The following THEMIS variants were observed in gnomAD, a reference collection of about 807,000 sequenced individuals.
THEMIS encodes the protein thymocyte selection associated.
THEMIS carries 37 observed loss-of-function variants against 52.6 expected under a neutral mutation model. The observed-to-expected ratio is 0.70, with a 90% CI of 0.54 to 0.93. THEMIS has a LOEUF of 0.93. THEMIS is among the 40% of genes least tolerant of loss of function. The pLI is 0.00. For synonymous variants in THEMIS, 292 were observed against 272.7 expected, an observed-to-expected ratio of 1.07 and a Z score of -0.70; for missense variants, 808 against 763.1, an observed-to-expected ratio of 1.06 and a Z score of -0.69.
In THEMIS at chr6:127,812,797, T is replaced by C. The variant is rs922794285; in HGVS notation, c.1758+86A>G. 2.2e-6 allele frequency: 3 copies of C among 1,363,528 alleles called. No homozygotes were observed. In the African/African-American group the frequency reaches 4.4e-5, roughly 20 times the overall value. 84.5% of individuals were successfully genotyped at this position (1,363,528 alleles called of 1,614,324 possible). ...AAATATGGCATGAAAGAAAGAAAAG[T>C]AAGCAAAACACACTCAGAAAAGACT... On this transcript the variant is annotated intron_variant, in intron 4 of 5. Coordinates refer to ENST00000368248, the MANE Select transcript of THEMIS (RefSeq NM_001010923.3).
At position 127,783,318 on chromosome 6, in the gene THEMIS, C is replaced by T. The variant is rs565094509; in HGVS notation, c.1758+29565G>A. 6.6e-5 allele frequency among the ~76,000 whole-genome samples: 10 copies of T among 152,316 alleles called. 1 individual carries two copies. Among genetic ancestry groups the T allele is most frequent in the African/African-American group, 2.4e-4 (10 of 41,554 alleles). Reference sequence around the variant, plus strand: ...AAAAGCTAGGCAATACCATTCAGGACATAGGCATGGGCAACGACTTCATGA... The same window carrying T: ...AAAAGCTAGGCAATACCATTCAGGATATAGGCATGGGCAACGACTTCATGA... On this transcript the variant is annotated intron_variant, in intron 4 of 5. Transcript: ENST00000368248.
chr6:127,874,883 AC>A (rs1780268287), intron 1 of THEMIS, among the ~76,000 whole-genome samples: 2 of 152,208 alleles, frequency 1.3e-5, no homozygotes, highest in Admixed American at 6.5e-5. Flanking sequence ...GGGGTCTGCA[AC>A]CCCTGGGCCA....
At chr6:127,814,101 G>C (rs1392590880) in intron 3 of THEMIS, among the ~76,000 whole-genome samples, 170 bp from the exon 4 acceptor site, 1 of 152,102 alleles carries the variant, frequency 6.6e-6, no homozygotes, top group Non-Finnish European at 1.5e-5. Context: ...TAAGATGAAA[G>C]AGATTGAATA....
At chr6:127,808,596 T>C (rs994673671) in intron 4 of THEMIS, among the ~76,000 whole-genome samples, 16 of 152,178 alleles carry the variant, frequency 1.1e-4, no homozygotes, top group African/African-American at 3.9e-4. Context: ...ATTCCATACA[T>C]TATCCTTATA....
chr6:127,839,950 C>T (rs535649575), intron 2 of THEMIS, among the ~76,000 whole-genome samples: 7 of 151,850 alleles, frequency 4.6e-5, no homozygotes, highest in Non-Finnish European at 8.8e-5. Context: ...GACAGGGACA[C>T]TAAAAGCCAT....
chr6:127,702,110 T>G, the THEMIS span, among the ~76,000 whole-genome samples: 1 of 152,162 alleles, frequency 6.6e-6, no homozygotes, highest in Non-Finnish European at 1.5e-5. Context: ...GCCCCTCTGT[T>G]TTTGTTCATC....
chr6:127,909,405 T>A (rs1781355505), intron 1 of THEMIS, among the ~76,000 whole-genome samples: 1 of 152,032 alleles, frequency 6.6e-6, no homozygotes, highest in African/African-American at 2.4e-5. Flanking sequence ...AGTGAGTGAG[T>A]TCTCACGAGA....
At chr6:127,891,456 A>ATTC (rs1780803279) in intron 1 of THEMIS, among the ~76,000 whole-genome samples, 2 of 150,686 alleles carry the variant, frequency 1.3e-5, no homozygotes, top group Non-Finnish European at 2.9e-5. Flanking sequence ...AAATCGCTTG[A>ATTC]ATCCGGGAGG....
intron 4 of THEMIS, among the ~76,000 whole-genome samples, chr6:127,809,406 T>C (rs1777825038): frequency 6.6e-6 from 1 of 152,182 alleles, no homozygotes; most frequent in African/African-American, 2.4e-5. Context: ...AGAGCTTCTG[T>C]TTACATTCTA....
At chr6:127,903,772 G>T (rs1279405037), upstream of THEMIS, among the ~76,000 whole-genome samples, 1 of 150,806 alleles carries the variant, frequency 6.6e-6, no homozygotes, top group Non-Finnish European at 1.5e-5. Flanking sequence ...AATAAACAAT[G>T]GCTTAGGTGG....
At chr6:127,855,442 C>A (rs1216840348) in intron 1 of THEMIS, among the ~76,000 whole-genome samples, 4 of 151,892 alleles carry the variant, frequency 2.6e-5, no homozygotes, top group Non-Finnish European at 4.4e-5. Context: ...ATTTCCTCAG[C>A]ACCCTCAGCT....
At chr6:127,770,879 C>A (rs1363477399) in intron 4 of THEMIS, among the ~76,000 whole-genome samples, 1 of 152,088 alleles carries the variant, frequency 6.6e-6, no homozygotes, top group Non-Finnish European at 1.5e-5. Context: ...AATAGGGAAT[C>A]CTTTCTCTAT....
rs556815785 is a variant in THEMIS, at chr6:127,879,223, C to A, written c.91+21619G>T. On this transcript the variant is annotated intron_variant, in intron 1 of 5. Transcript: ENST00000368248. ...ACAATATCAATCCAGGAATGATCCT[C>A]TAACCTGTTGAGCATATGTTAACAA... Among the ~76,000 whole-genome samples the A allele has an allele frequency of 3.7e-4, 56 of 152,292 alleles. 1 individual carries two copies. The highest frequency in any genetic ancestry group is 1.3e-3 in the African/African-American group (56 of 41,564).
At chr6:127,852,244 CA>C (rs1779453138) in intron 2 of THEMIS, among the ~76,000 whole-genome samples, 1 of 151,444 alleles carries the variant, frequency 6.6e-6, no homozygotes, top group Non-Finnish European at 1.5e-5. Flanking sequence ...ATACATGAAG[CA>C]AAAGCTGACA....
chr6:127,791,385 C>T (rs1777150296), intron 4 of THEMIS, among the ~76,000 whole-genome samples: 1 of 152,098 alleles, frequency 6.6e-6, no homozygotes, highest in South Asian at 2.1e-4. Context: ...GACAGGAGAC[C>T]CACAATGGGT....
chr6:127,900,915 T>G lies in THEMIS; in HGVS notation c.18A>C (p.Glu6Asp). 6.2e-7 allele frequency: 1 copy of G among 1,613,118 alleles called. No individual in the cohort carries two copies. The highest frequency in any genetic ancestry group is 8.5e-7 in the Non-Finnish European group (1 of 1,179,352). Residue 6 changes from glutamate to aspartate, a missense_variant, in exon 1 of 6, where the codon GAA becomes GAC. Transcript: ENST00000368248. ...TGAGGTCAAGGGAGTGGACGAATTC[T>G]TCCAGTGATAATGCCATTGCTATGC... MALSL[E>D]EFVHSLDLRT... is the part of the protein sequence containing the mutation.
chr6:127,732,023 G>A (rs1008996405), intron 4 of THEMIS, among the ~76,000 whole-genome samples: 16 of 149,244 alleles, frequency 1.1e-4, no homozygotes, highest in Non-Finnish European at 1.6e-4. Context: ...TTTTTAACTC[G>A]TAAGAGTTAA....
chr6:127,824,225 A>AG (rs970442301), intron 3 of THEMIS, among the ~76,000 whole-genome samples: 10 of 152,162 alleles, frequency 6.6e-5, no homozygotes, highest in African/African-American at 2.2e-4. Context: ...AACCAGACAT[A>AG]GGTGAGCAGG....
Position 127,765,882 on chromosome 6 carries a change from A to G in THEMIS, c.1759-46059T>C, listed in dbSNP as rs186248031. 1.7e-4 allele frequency among the ~76,000 whole-genome samples: 26 copies of G among 152,288 alleles called. No homozygotes were observed. In the East Asian group the frequency reaches 4.8e-3, roughly 28 times the overall value. On this transcript the variant is annotated intron_variant, in intron 4 of 5. Transcript: ENST00000368248. The stretch of plus-strand genomic sequence containing the variant: ...AATTGCCTAATGATGCATTTCTCAG[A>G]ACATATCATAGTCAATAATCGGTGC...
Sources: gnomAD v4.1 joint callset for allele counts (sites outside exome capture counted in the v4.1 genomes callset) on GRCh38, gnomAD v4.1.1 for gene constraint, MANE v1.5 for transcripts, NCBI Gene and HGNC (gene_info 2026-07-23, HGNC 2026-07-21) for gene names.